ADCY2: variants seen among roughly 807,000 people sequenced by gnomAD.
ADCY2 encodes adenylate cyclase 2.
ADCY2 carries 31 observed loss-of-function variants against 125.2 expected under a neutral mutation model. That is an observed-to-expected ratio of 0.25 (90% CI 0.19 to 0.33). The LOEUF (loss-of-function observed/expected upper bound fraction) is 0.33. Among genes scored for constraint, ADCY2 ranks in the 10% least tolerant of loss-of-function variants. The probability of loss-of-function intolerance (pLI) is 1.00; values close to 1 mark genes in which losing one functional copy is unlikely to be tolerated. For missense variants in ADCY2, 904 were observed against 1,418.2 expected (o/e 0.64, Z 5.82); for synonymous variants, 512 against 548.4 (o/e 0.93, Z 0.93).
intron 4 of ADCY2, among the ~76,000 whole-genome samples, chr5:7,627,463 G>A (rs1738173217): frequency 1.3e-5 from 2 of 152,326 alleles, no homozygotes; most frequent in East Asian, 3.9e-4. Flanking sequence ...ACAGCTGTGT[G>A]TTCCTGGGTT....
intron 3 of ADCY2, among the ~76,000 whole-genome samples, chr5:7,542,471 T>C (rs1158423267): frequency 6.6e-6 from 1 of 152,156 alleles, no homozygotes; most frequent in Non-Finnish European, 1.5e-5. Context: ...ATGAGGAGTT[T>C]GGAGAAAATG....
intron 2 of ADCY2, among the ~76,000 whole-genome samples, chr5:7,439,973 G>A (rs76122614): frequency 0.2 from 29,723 of 152,110 alleles, 3,900 homozygotes; most frequent in Non-Finnish European, 0.29. Context: ...GTAAACCTGC[G>A]ATTGTTCCAA....
intron 2 of ADCY2, among the ~76,000 whole-genome samples, chr5:7,438,175 G>A (rs1289825885): frequency 1.3e-5 from 2 of 152,202 alleles, no homozygotes; most frequent in Admixed American, 1.3e-4. Context: ...CAGATGGAAA[G>A]GTGGTGGACA....
At chr5:7,568,632 T>TTGC (rs1027515539) in intron 3 of ADCY2, among the ~76,000 whole-genome samples, 10 of 152,174 alleles carry the variant, frequency 6.6e-5, no homozygotes, top group African/African-American at 2.2e-4. Flanking sequence ...GATAGGCTGT[T>TTGC]TGCTGCTGCT....
At chr5:7,543,674 C>A (rs1735062977) in intron 3 of ADCY2, among the ~76,000 whole-genome samples, 2 of 151,910 alleles carry the variant, frequency 1.3e-5, no homozygotes, top group African/African-American at 2.4e-5. Context: ...CTTCCAAAAC[C>A]AAGGGAGAGA....
At chr5:7,514,693 G>A (rs538256087) in intron 2 of ADCY2, among the ~76,000 whole-genome samples, 1 of 152,304 alleles carries the variant, frequency 6.6e-6, no homozygotes, top group South Asian at 2.1e-4. Context: ...CCAATGACTG[G>A]GGTCTTTATA....
intron 15 of ADCY2, among the ~76,000 whole-genome samples, chr5:7,753,801 C>T (rs1450126778): frequency 6.6e-6 from 1 of 152,176 alleles, no homozygotes; most frequent in Non-Finnish European, 1.5e-5. Flanking sequence ...TCTTTCATCC[C>T]TGTCATTGCA....
At chr5:7,511,352 G>T (rs892408684) in intron 2 of ADCY2, among the ~76,000 whole-genome samples, 2 of 152,194 alleles carry the variant, frequency 1.3e-5, no homozygotes, top group African/African-American at 4.8e-5. Context: ...GAGATGGGCA[G>T]ATCACGAGGT....
intron 16 of ADCY2, among the ~76,000 whole-genome samples, chr5:7,760,181 T>G (rs1288989229): frequency 6.6e-6 from 1 of 152,248 alleles, no homozygotes; most frequent in South Asian, 2.1e-4. Flanking sequence ...TGGCCTGAGA[T>G]GCCAGAAGCA....
At chr5:7,592,499 C>G (rs529516274) in intron 3 of ADCY2, among the ~76,000 whole-genome samples, 5 of 151,908 alleles carry the variant, frequency 3.3e-5, no homozygotes, top group African/African-American at 1.2e-4. Flanking sequence ...GACGTAATGC[C>G]CAGCAGTGCC....
intron 3 of ADCY2, among the ~76,000 whole-genome samples, chr5:7,550,101 T>C (rs1554018894): frequency 1.3e-5 from 2 of 152,120 alleles, no homozygotes; most frequent in Non-Finnish European, 2.9e-5. Context: ...GAATACAGAT[T>C]AATCCTCACC....
At chr5:7,451,740 CTTATT>C (rs1426736745) in intron 2 of ADCY2, among the ~76,000 whole-genome samples, 1 of 151,854 alleles carries the variant, frequency 6.6e-6, no homozygotes, top group Non-Finnish European at 1.5e-5. Context: ...TAATTTTGTT[CTTATT>C]TTATTATGTC....
At chr5:7,570,558 G>GA (rs977016240) in intron 3 of ADCY2, among the ~76,000 whole-genome samples, 8 of 103,024 alleles carry the variant, frequency 7.8e-5, no homozygotes, top group East Asian at 2.6e-4. Flanking sequence ...ATGAGATGAA[G>GA]AAAAAATGCA....
At chr5:7,551,995 T>C (rs1360780594) in intron 3 of ADCY2, among the ~76,000 whole-genome samples, 1 of 152,228 alleles carries the variant, frequency 6.6e-6, no homozygotes, top group Non-Finnish European at 1.5e-5. Context: ...CTGAACAATA[T>C]GTCAGCTAAA....
intron 3 of ADCY2, among the ~76,000 whole-genome samples, chr5:7,567,522 G>A (rs1239522870): frequency 2.6e-5 from 4 of 152,014 alleles, no homozygotes; most frequent in Non-Finnish European, 5.9e-5. Flanking sequence ...CTTCTTTCTA[G>A]CTGTATAGCT....
chr5:7,573,603 T>C lies in ADCY2; in HGVS notation c.571-52564T>C, dbSNP rs931785713. Reference sequence around the variant, plus strand: ...TACAGGGTTGATTTTCTTTTTTTTTTTTTTTTTTTTTTTTTGAGAAAAAAA... The same window carrying C: ...TACAGGGTTGATTTTCTTTTTTTTTCTTTTTTTTTTTTTTTGAGAAAAAAA... On this transcript the variant is annotated intron_variant, in intron 3 of 24. Transcript: ENST00000338316. 3.1e-4 allele frequency among the ~76,000 whole-genome samples: 45 copies of C among 145,678 alleles called. 1 individual carries two copies. The highest frequency in any genetic ancestry group is 3.5e-3 in the Middle Eastern group (1 of 286).
At chr5:7,778,324 G>A (rs932959830) in intron 18 of ADCY2, among the ~76,000 whole-genome samples, 8 of 152,176 alleles carry the variant, frequency 5.3e-5, no homozygotes, top group Non-Finnish European at 7.3e-5. Flanking sequence ...AAGCCATTAT[G>A]TTAACTCACC....
chr5:7,479,882 C>T (rs1008221344), intron 2 of ADCY2, among the ~76,000 whole-genome samples: 1 of 151,944 alleles, frequency 6.6e-6, no homozygotes, highest in Non-Finnish European at 1.5e-5. Context: ...TTTCATGTAA[C>T]ATAATAATGA....
intron 20 of ADCY2, chr5:7,801,660 A>G (rs1744597710): frequency 6.6e-6 from 1 of 152,306 alleles, no homozygotes; most frequent in African/African-American, 2.4e-5. Flanking sequence ...GCTTCTTCCT[A>G]TTTAAAAACA....
Sources: gnomAD v4.1 joint callset for allele counts (sites outside exome capture counted in the v4.1 genomes callset) on GRCh38, gnomAD v4.1.1 for gene constraint, MANE v1.5 for transcripts, NCBI Gene and HGNC (gene_info 2026-07-23, HGNC 2026-07-21) for gene names.